Variants in IQGAP1 observed in about 807,000 individuals in gnomAD.
The protein encoded by IQGAP1 is ras GTPase-activating-like protein IQGAP1.
IQGAP1 carries 66 observed loss-of-function variants against 215.6 expected under a neutral mutation model. The observed-to-expected ratio is 0.31, with a 90% CI of 0.25 to 0.38. The LOEUF is 0.38. IQGAP1 is among the 10% of genes least tolerant of loss of function. The pLI, the probability that IQGAP1 is intolerant of heterozygous loss-of-function variation, is 1.00. For missense variants in IQGAP1, 1,712 were observed against 1,997.1 expected (o/e 0.86, Z 2.72); for synonymous variants, 772 against 728.7 (o/e 1.06, Z -0.96).
At chr15:90,479,621 C>T (rs1966027974) in intron 26 of IQGAP1, among the ~76,000 whole-genome samples, 1 of 151,276 alleles carries the variant, frequency 6.6e-6, no homozygotes, top group South Asian at 2.1e-4. Context: ...TTGTGCACAC[C>T]TGTAGTTCCA....
At chr15:90,493,239 G>GAAAA (rs4031436) in intron 35 of IQGAP1, among the ~76,000 whole-genome samples, 45 of 144,920 alleles carry the variant, frequency 3.1e-4, no homozygotes, top group Admixed American at 1.2e-3. Flanking sequence ...CAAGACTCTG[G>GAAAA]AAAAAAAAAA....
chr15:90,500,104 A>G lies in IQGAP1; in HGVS notation c.4970A>G (p.Lys1657Arg). 1 of 1,569,234 alleles carries G rather than the reference A, an allele frequency of 6.4e-7. No homozygotes were observed. The highest frequency in any genetic ancestry group is 8.8e-7 in the Non-Finnish European group (1 of 1,139,024). Residue 1657 changes from lysine to arginine, a missense_variant, in exon 38 of 38, where the codon AAG becomes AGG. Physicochemically the swap from Lys to Arg is conservative, Grantham distance 26. Coordinates refer to ENST00000268182, the MANE Select transcript of IQGAP1 (RefSeq NM_003870.4). ...CTTCTCAACAAAAAGTTCTACGGGA[A>G]GTAATTGATCGTTTGCTGCCAGCCC... ...IFLLNKKFYG[K>R]
Position 90,453,307 on chromosome 15 carries a change from T to G in IQGAP1, c.1487+15T>G. 2 of 1,600,200 alleles carry G rather than the reference T, an allele frequency of 1.2e-6. No individual in the cohort carries two copies. The highest frequency in any genetic ancestry group is 1.7e-6 in the Non-Finnish European group (2 of 1,172,054). The stretch of plus-strand genomic sequence containing the variant: ...AACTGTCAGAGGTGGGTGTCCAGAG[T>G]GAAGGGAATAAATCCATTACGTAGC... On this transcript the variant is annotated intron_variant, in intron 13 of 37. Coordinates refer to ENST00000268182, the MANE Select transcript of IQGAP1 (RefSeq NM_003870.4).
rs1051718341 is a variant in IQGAP1 at position 90,501,246 on chromosome 15, ATTTTTTCTCC to A, written c.*1148_*1157del. On this transcript the variant is annotated 3_prime_UTR_variant, in exon 38 of 38. Transcript: ENST00000268182. ...TGAGATTAAAACCAATTTTTTCCCC[ATTTTTTCTCC>A]TTTTTTCTCTTGCTGCCCACATTGT... The A allele has an allele frequency of 1.3e-5, 2 of 151,322 alleles. No individual in the cohort carries two copies. Among genetic ancestry groups the A allele is most frequent in the African/African-American group, 4.9e-5 (2 of 41,092 alleles). The allele number at this position is 151,322 out of a possible 1,614,324, so 9.4% of individuals were successfully genotyped here. A position where few individuals can be genotyped will look rare whatever the true frequency, so the allele number is the denominator to read the frequency against.
At chr15:90,484,056 T>C (rs1011888559) in intron 29 of IQGAP1, among the ~76,000 whole-genome samples, 164 bp from the exon 30 acceptor site, 4 of 152,204 alleles carry the variant, frequency 2.6e-5, no homozygotes, top group Non-Finnish European at 5.9e-5. Context: ...TTCGAACCAC[T>C]ATCCCAAGGT....
At chr15:90,454,143 A>G (rs1965646308) in intron 13 of IQGAP1, among the ~76,000 whole-genome samples, 1 of 152,174 alleles carries the variant, frequency 6.6e-6, no homozygotes, top group Non-Finnish European at 1.5e-5. Flanking sequence ...TTCCTCCTGC[A>G]TTTATTAGCT....
intron 2 of IQGAP1, among the ~76,000 whole-genome samples, chr15:90,419,651 A>G (rs1344387428): frequency 1.3e-5 from 2 of 152,238 alleles, no homozygotes; most frequent in African/African-American, 4.8e-5. Context: ...GGTCGAGTCT[A>G]TCATGAAGGT....
chr15:90,438,968 G>GCCCAC (rs1471013322), intron 5 of IQGAP1, among the ~76,000 whole-genome samples: 1 of 151,800 alleles, frequency 6.6e-6, no homozygotes, highest in Admixed American at 6.6e-5. Context: ...CAGGTGATCC[G>GCCCAC]CCCACCTCAG....
At chr15:90,416,175 C>T (rs1238976615) in intron 2 of IQGAP1, among the ~76,000 whole-genome samples, 1 of 152,138 alleles carries the variant, frequency 6.6e-6, no homozygotes, top group Non-Finnish European at 1.5e-5. Flanking sequence ...CCCGCCTCCC[C>T]CTACCCCACA....
In IQGAP1 at chr15:90,492,419, TAAAAAAAAAA is replaced by T. The variant is rs56724183; in HGVS notation, c.4462-113_4462-104del. 1.9e-4 allele frequency: 71 copies of T among 371,102 alleles called. No individual in the cohort carries two copies. In the African/African-American group the frequency reaches 2.1e-3, roughly 11 times the overall value. The allele number at this position is 371,102 out of a possible 1,614,324, so 23.0% of individuals were successfully genotyped here. ...ACTCGAGCCTGGGCAACAGAGTGTC[TAAAAAAAAAA>T]AAAAAAAAAAAAGTAGGTAGTCATA... On this transcript the variant is annotated intron_variant, in intron 34 of 37. Coordinates refer to ENST00000268182, the MANE Select transcript of IQGAP1 (RefSeq NM_003870.4).
At chr15:90,459,298 A>G (rs929877129) in intron 15 of IQGAP1, among the ~76,000 whole-genome samples, 1 of 152,256 alleles carries the variant, frequency 6.6e-6, no homozygotes, top group Non-Finnish European at 1.5e-5. Context: ...AGAGGCATAA[A>G]CCTTGTCAAT....
chr15:90,405,385 G>T (rs2657948), intron 2 of IQGAP1, among the ~76,000 whole-genome samples: 1 of 151,932 alleles, frequency 6.6e-6, no homozygotes, highest in Non-Finnish European at 1.5e-5. Context: ...TAAAGTTGGC[G>T]TTGAGAAAAC....
intron 5 of IQGAP1, among the ~76,000 whole-genome samples, chr15:90,436,178 C>T (rs2238321): frequency 0.21 from 31,663 of 151,692 alleles, 4,358 homozygotes; most frequent in African/African-American, 0.39. Flanking sequence ...GATAAGACCC[C>T]AGTTTTCCAT....
intron 5 of IQGAP1, among the ~76,000 whole-genome samples, chr15:90,437,464 A>G (rs923270273): frequency 1.3e-5 from 2 of 152,178 alleles, no homozygotes; most frequent in African/African-American, 4.8e-5. Context: ...TGCAGATGTG[A>G]TGTATTAGTG....
In IQGAP1 at chr15:90,482,849, T is replaced by A. The variant is rs77360072; in HGVS notation, c.3556-512T>A. Reference sequence around the variant, plus strand: ...GAGATGTGTGTTAAGTGAATTTAATTTCAGAGGCATGAACTTGGCCTTTGA... The same window carrying A: ...GAGATGTGTGTTAAGTGAATTTAATATCAGAGGCATGAACTTGGCCTTTGA... On this transcript the variant is annotated intron_variant, in intron 28 of 37. Coordinates refer to ENST00000268182, the MANE Select transcript of IQGAP1 (RefSeq NM_003870.4). 1,493 of 459,026 alleles carry A rather than the reference T, an allele frequency of 3.3e-3. 19 individuals carry two copies. Among genetic ancestry groups the A allele is most frequent in the African/African-American group, 0.03 (1,407 of 46,998 alleles). 28.4% of individuals were successfully genotyped at this position (459,026 alleles called of 1,614,324 possible).
At chr15:90,445,785 A>G (rs1399231641) in intron 9 of IQGAP1, among the ~76,000 whole-genome samples, 1 of 152,022 alleles carries the variant, frequency 6.6e-6, no homozygotes, top group Non-Finnish European at 1.5e-5. Flanking sequence ...GAGGATTTAG[A>G]AGATTTTACC....
chr15:90,438,570 C>G (rs530450386), intron 5 of IQGAP1, among the ~76,000 whole-genome samples: 2 of 152,170 alleles, frequency 1.3e-5, no homozygotes, highest in Middle Eastern at 3.4e-3. Context: ...CTGGATTAAA[C>G]TTTTCCATCA....
intron 2 of IQGAP1, among the ~76,000 whole-genome samples, chr15:90,408,317 G>T (rs984994047): frequency 2.0e-5 from 3 of 152,074 alleles, no homozygotes; most frequent in Non-Finnish European, 4.4e-5. Context: ...TTTCTGTTTT[G>T]GTTTTTGTTT....
chr15:90,406,935 T>A (rs962056778), intron 2 of IQGAP1, among the ~76,000 whole-genome samples: 34 of 152,150 alleles, frequency 2.2e-4, no homozygotes, highest in Middle Eastern at 3.2e-3. Flanking sequence ...AGTAGATATA[T>A]GGTATATGCA....
Sources: gnomAD v4.1 joint callset for allele counts (sites outside exome capture counted in the v4.1 genomes callset) on GRCh38, gnomAD v4.1.1 for gene constraint, MANE v1.5 for transcripts, NCBI Gene and HGNC (gene_info 2026-07-23, HGNC 2026-07-21) for gene names.